FCHSD2: variants seen among roughly 807,000 people sequenced by gnomAD.
The protein encoded by FCHSD2 is FCH and double SH3 domains 2.
FCHSD2 carries 38 observed loss-of-function variants against 108.1 expected under a neutral mutation model. The ratio of observed to expected loss-of-function variants is 0.35; its 90% confidence interval spans 0.27 to 0.46. The LOEUF is 0.46. Ranked by LOEUF, FCHSD2 falls within the 20% of genes least tolerant of loss-of-function variation. FCHSD2 has a pLI of 1.00. For synonymous variants in FCHSD2, 279 were observed against 314.7 expected, an observed-to-expected ratio of 0.89 and a Z score of 1.20; for missense variants, 751 against 897.8, an observed-to-expected ratio of 0.84 and a Z score of 2.09.
chr11:72,958,977 T>C (rs1236031661), intron 8 of FCHSD2, among the ~76,000 whole-genome samples: 3 of 98,932 alleles, frequency 3.0e-5, no homozygotes, highest in Admixed American at 2.5e-4. Context: ...ATATTACATA[T>C]ACTCATCAGT....
intron 2 of FCHSD2, among the ~76,000 whole-genome samples, chr11:73,094,177 C>T (rs369827007): frequency 5.3e-5 from 8 of 152,250 alleles, no homozygotes; most frequent in African/African-American, 1.9e-4. Flanking sequence ...CGCCAATGCA[C>T]TCCAGCCTGG....
chr11:73,026,898 C>T (rs1314608814), intron 3 of FCHSD2, among the ~76,000 whole-genome samples: 1 of 152,176 alleles, frequency 6.6e-6, no homozygotes, highest in African/African-American at 2.4e-5. Flanking sequence ...CTTGCTTTCC[C>T]TTTGCCTTCT....
chr11:72,882,659 T>A (rs1855113857), intron 12 of FCHSD2, among the ~76,000 whole-genome samples: 1 of 152,180 alleles, frequency 6.6e-6, no homozygotes, highest in Non-Finnish European at 1.5e-5. Flanking sequence ...CATAAATATG[T>A]ACAATTATTT....
At chr11:73,103,493 G>A (rs1375625114) in intron 2 of FCHSD2, among the ~76,000 whole-genome samples, 12 of 151,954 alleles carry the variant, frequency 7.9e-5, no homozygotes, top group Admixed American at 3.3e-4. Flanking sequence ...AATATCTGCC[G>A]CCTTCTGTAC....
At chr11:73,043,454 A>G (rs2135466007) in intron 3 of FCHSD2, among the ~76,000 whole-genome samples, 1 of 152,330 alleles carries the variant, frequency 6.6e-6, no homozygotes, top group Non-Finnish European at 1.5e-5. Flanking sequence ...AAGCAGATCC[A>G]CCAACTATTT....
At chr11:73,083,361 C>A (rs540637100) in intron 3 of FCHSD2, among the ~76,000 whole-genome samples, 3 of 152,064 alleles carry the variant, frequency 2.0e-5, no homozygotes, top group African/African-American at 4.8e-5. Flanking sequence ...CCATCCCGGC[C>A]AACATGGTGA....
At chr11:72,883,883 G>C (rs1330273568) in intron 12 of FCHSD2, among the ~76,000 whole-genome samples, 2 of 149,978 alleles carry the variant, frequency 1.3e-5, no homozygotes, top group East Asian at 2.0e-4. Flanking sequence ...AGTGAGTTGA[G>C]ATCGTGCCAC....
intron 2 of FCHSD2, among the ~76,000 whole-genome samples, chr11:73,101,827 T>G (rs1591554151): frequency 6.6e-6 from 1 of 152,020 alleles, no homozygotes; most frequent in Non-Finnish European, 1.5e-5. Flanking sequence ...AGCACTATAC[T>G]AAGTAGAAGA....
intron 12 of FCHSD2, among the ~76,000 whole-genome samples, chr11:72,870,899 C>CA (rs55827213): frequency 0.47 from 36,306 of 77,058 alleles, 9,911 homozygotes; most frequent in African/African-American, 0.55. Context: ...GACTCCGTCT[C>CA]AAAAAAAAAA....
At chr11:73,061,087 T>C (rs564791775) in intron 3 of FCHSD2, among the ~76,000 whole-genome samples, 7 of 152,232 alleles carry the variant, frequency 4.6e-5, no homozygotes, top group Non-Finnish European at 1.0e-4. Flanking sequence ...AGGCAGATGA[T>C]TTCTGCATGT....
chr11:73,094,518 A>G (rs574619151), intron 2 of FCHSD2, among the ~76,000 whole-genome samples: 1 of 152,304 alleles, frequency 6.6e-6, no homozygotes, highest in African/African-American at 2.4e-5. Flanking sequence ...TTGTCCATCA[A>G]TGGGATCATG....
At chr11:72,853,251 C>A (rs1861340043) in intron 13 of FCHSD2, among the ~76,000 whole-genome samples, 1 of 152,118 alleles carries the variant, frequency 6.6e-6, no homozygotes. Flanking sequence ...GAGGAAAGGA[C>A]AGTTTTTCAA....
At chr11:72,895,269 G>T (rs575073502) in intron 10 of FCHSD2, among the ~76,000 whole-genome samples, 1 of 152,174 alleles carries the variant, frequency 6.6e-6, no homozygotes, top group African/African-American at 2.4e-5. Flanking sequence ...ACCCATTAAG[G>T]CTGGGGTGAA....
At chr11:72,895,763 G>A (rs1046815085) in intron 10 of FCHSD2, among the ~76,000 whole-genome samples, 2 of 152,106 alleles carry the variant, frequency 1.3e-5, no homozygotes, top group Non-Finnish European at 2.9e-5. Flanking sequence ...ATTCTAAAAC[G>A]CAACACTCAT....
intron 8 of FCHSD2, among the ~76,000 whole-genome samples, chr11:72,948,161 C>T (rs760730442): frequency 1.6e-4 from 24 of 152,196 alleles, no homozygotes; most frequent in South Asian, 1.0e-3. Flanking sequence ...GCATGTGCCA[C>T]CAGACCTGGC....
intron 10 of FCHSD2, among the ~76,000 whole-genome samples, chr11:72,897,001 T>A (rs925990679): frequency 6.6e-6 from 1 of 151,734 alleles, no homozygotes; most frequent in African/African-American, 2.4e-5. Context: ...TAATTTTTTG[T>A]ATTTTTAGTA....
chr11:73,067,497 GAAAA>G (rs1311027803), intron 3 of FCHSD2, among the ~76,000 whole-genome samples: 1 of 151,804 alleles, frequency 6.6e-6, no homozygotes, highest in Non-Finnish European at 1.5e-5. Flanking sequence ...AAGAAAGAAA[GAAAA>G]TAGATATGCT....
At chr11:73,091,296 T>C (rs955129484) in intron 2 of FCHSD2, among the ~76,000 whole-genome samples, 2 of 152,180 alleles carry the variant, frequency 1.3e-5, no homozygotes, top group Non-Finnish European at 2.9e-5. Flanking sequence ...CTCAGCACTT[T>C]GGGAGGCCAA....
At chr11:72,929,251 C>G (rs1856141768) in intron 8 of FCHSD2, among the ~76,000 whole-genome samples, 1 of 152,156 alleles carries the variant, frequency 6.6e-6, no homozygotes, top group African/African-American at 2.4e-5. Context: ...AATGGGATGG[C>G]TAGGTCAAAT....
Sources: allele counts gnomAD v4.1 joint callset (sites outside exome capture counted in the v4.1 genomes callset), GRCh38; gene constraint gnomAD v4.1.1; transcripts MANE v1.5; gene names NCBI Gene and HGNC (gene_info 2026-07-23, HGNC 2026-07-21).